Variants in SPTBN1 observed in about 807,000 individuals in gnomAD.
SPTBN1 encodes the protein spectrin beta chain, non-erythrocytic 1.
In SPTBN1, 32 loss-of-function variants were observed where a neutral mutation model predicts 266.4. The observed-to-expected ratio is 0.12, with a 90% CI of 0.09 to 0.16. The LOEUF is 0.16. Ranked by LOEUF, SPTBN1 falls within the 10% of genes least tolerant of loss-of-function variation. SPTBN1 has a pLI of 1.00. For synonymous variants in SPTBN1, 1,336 were observed against 1,162.2 expected (o/e 1.15, Z -3.04); for missense variants, 2,296 against 3,067.1 (o/e 0.75, Z 5.94).
At chr2:54,598,766 A>T (rs529931843) in intron 2 of SPTBN1, among the ~76,000 whole-genome samples, 15 of 152,306 alleles carry the variant, frequency 9.8e-5, no homozygotes, top group Middle Eastern at 3.4e-3. Context: ...GGGAGAAAAG[A>T]AAGGGGAGCA....
At chr2:54,563,630 G>A (rs2104485139) in intron 2 of SPTBN1, among the ~76,000 whole-genome samples, 1 of 108,656 alleles carries the variant, frequency 9.2e-6, no homozygotes, top group Non-Finnish European at 1.7e-5. Context: ...TTGAGACGGG[G>A]TCTCACCCTG....
intron 27 of SPTBN1, among the ~76,000 whole-genome samples, chr2:54,654,750 T>A (rs1680536570): frequency 6.6e-6 from 1 of 152,240 alleles, no homozygotes; most frequent in African/African-American, 2.4e-5. Context: ...CTGACTTGCA[T>A]TTCAAAGTAA....
At chr2:54,590,494 C>G (rs1019755053) in intron 2 of SPTBN1, among the ~76,000 whole-genome samples, 3 of 152,208 alleles carry the variant, frequency 2.0e-5, no homozygotes, top group African/African-American at 7.2e-5. Context: ...GCCTTTGCCT[C>G]TGAGCCAACT....
chr2:54,660,280 T>C (rs887391815), intron 32 of SPTBN1: 67 of 1,293,166 alleles, frequency 5.2e-5, no homozygotes, highest in Non-Finnish European at 6.3e-5. Context: ...AGCATACTTA[T>C]TTTTTGTTTA....
chr2:54,517,699 G>A (rs1216484647), intron 1 of SPTBN1, among the ~76,000 whole-genome samples: 1 of 151,030 alleles, frequency 6.6e-6, no homozygotes, highest in Admixed American at 6.6e-5. Context: ...AGGCTGGAGT[G>A]TAGTAGCGCT....
At chr2:54,559,341 G>C (rs1673119389) in intron 2 of SPTBN1, among the ~76,000 whole-genome samples, 1 of 152,096 alleles carries the variant, frequency 6.6e-6, no homozygotes, top group African/African-American at 2.4e-5. Context: ...GGGTCTTTTT[G>C]TTCCTAAGCC....
At chr2:54,658,662 A>G (rs902694541) in intron 30 of SPTBN1, among the ~76,000 whole-genome samples, 5 of 152,194 alleles carry the variant, frequency 3.3e-5, no homozygotes, top group African/African-American at 1.2e-4. Flanking sequence ...GTACATCCAT[A>G]TGACTCATGA....
chr2:54,545,735 CCT>C (rs1205216766), intron 2 of SPTBN1, among the ~76,000 whole-genome samples: 4 of 152,062 alleles, frequency 2.6e-5, no homozygotes, highest in Non-Finnish European at 4.4e-5. Context: ...CTCCATCTAG[CCT>C]CTCTGTCTCA....
chr2:54,467,278 T>C (rs2103833327), intron 1 of SPTBN1, among the ~76,000 whole-genome samples: 1 of 152,210 alleles, frequency 6.6e-6, no homozygotes, highest in South Asian at 2.1e-4. Flanking sequence ...CTTTATCTTA[T>C]TTACTTGAAT....
intron 34 of SPTBN1, among the ~76,000 whole-genome samples, chr2:54,666,486 A>T (rs1435187504): frequency 6.6e-6 from 1 of 152,162 alleles, no homozygotes; most frequent in Non-Finnish European, 1.5e-5. Flanking sequence ...TTATCTGGAG[A>T]TGGGTCAAGT....
chr2:54,490,690 G>C (rs1216053455), intron 1 of SPTBN1, among the ~76,000 whole-genome samples: 1 of 152,136 alleles, frequency 6.6e-6, no homozygotes, highest in African/African-American at 2.4e-5. Context: ...TGGTCAATAG[G>C]CATCTTATTC....
intron 17 of SPTBN1, among the ~76,000 whole-genome samples, chr2:54,634,433 A>T (rs1242829937): frequency 6.6e-6 from 1 of 152,244 alleles, no homozygotes; most frequent in African/African-American, 2.4e-5. Context: ...AAACGTAAAG[A>T]TAACCCTGTA....
intron 2 of SPTBN1, among the ~76,000 whole-genome samples, chr2:54,571,541 G>T (rs941269802): frequency 7.2e-6 from 1 of 139,044 alleles, no homozygotes; most frequent in East Asian, 2.1e-4. Flanking sequence ...TTCCCTAATT[G>T]TATGTACACA....
intron 1 of SPTBN1, among the ~76,000 whole-genome samples, chr2:54,476,488 C>A (rs1667840085): frequency 6.6e-6 from 1 of 152,184 alleles, no homozygotes; most frequent in Admixed American, 6.5e-5. Flanking sequence ...CTGGAGAATG[C>A]TGGGCTTAAT....
intron 1 of SPTBN1, among the ~76,000 whole-genome samples, chr2:54,473,528 A>G (rs1343146014): frequency 6.6e-6 from 1 of 151,758 alleles, no homozygotes; most frequent in African/African-American, 2.4e-5. Context: ...ACACACGCAC[A>G]CACATACACA....
At chr2:54,586,966 T>A (rs1411465167) in intron 2 of SPTBN1, among the ~76,000 whole-genome samples, 1 of 152,166 alleles carries the variant, frequency 6.6e-6, no homozygotes, top group African/African-American at 2.4e-5. Flanking sequence ...TGCCCTTAAT[T>A]ATTTTGGCCT....
intron 1 of SPTBN1, among the ~76,000 whole-genome samples, chr2:54,507,890 A>G (rs1195257963): frequency 2.6e-5 from 4 of 151,674 alleles, no homozygotes; most frequent in African/African-American, 9.7e-5. Context: ...TTAAAGAAGG[A>G]TTAGAAACGG....
chr2:54,628,942 C>T lies in SPTBN1; in HGVS notation c.1808C>T (p.Pro603Leu). 6.3e-7 allele frequency: 1 copy of T among 1,599,920 alleles called. No individual in the cohort carries two copies. The highest frequency in any genetic ancestry group is 8.5e-7 in the Non-Finnish European group (1 of 1,172,886). ...CCTTGATGTTAAACAGGTTACAAGC[C>T]CTGTGACCCCCAGGTGATCCGAGAC... ...KFATDGEGYK[P>L]CDPQVIRDRV... The change falls in exon 14 of 36, where the codon CCC becomes CTC. Residue 603 changes from proline to leucine, a missense_variant. Coordinates refer to ENST00000356805, the MANE Select transcript of SPTBN1 (RefSeq NM_003128.3). The surrounding 1 kb of genome is among the most constrained non-coding windows in gnomAD (Gnocchi z 4.3).
At chr2:54,470,284 A>T (rs1693854493) in intron 1 of SPTBN1, among the ~76,000 whole-genome samples, 1 of 152,130 alleles carries the variant, frequency 6.6e-6, no homozygotes, top group Admixed American at 6.5e-5. Context: ...TTTTATTGGT[A>T]CATGTGTACA....
Sources: gnomAD v4.1 joint callset for allele counts (sites outside exome capture counted in the v4.1 genomes callset) on GRCh38, gnomAD v4.1.1 for gene constraint, Gnocchi (gnomAD v3.1) non-coding constraint, MANE v1.5 for transcripts, NCBI Gene and HGNC (gene_info 2026-07-23, HGNC 2026-07-21) for gene names.